The following ELP4 variants were observed in gnomAD, a reference collection of about 807,000 sequenced individuals.
The protein encoded by ELP4 is elongator complex protein 4.
ELP4 carries 51 observed loss-of-function variants against 48.9 expected under a neutral mutation model. That is an observed-to-expected ratio of 1.04 (90% confidence interval 0.83 to 1.32). The LOEUF is 1.32. Ranked by LOEUF, ELP4 falls within the 40% of genes most tolerant of loss-of-function variation. The pLI, the probability that ELP4 is intolerant of heterozygous loss-of-function variation, is 0.00. For missense variants in ELP4, 519 were observed against 514.6 expected (o/e 1.01, Z -0.08); for synonymous variants, 210 against 189.2 (o/e 1.11, Z -0.90).
intron 7 of ELP4, among the ~76,000 whole-genome samples, chr11:31,635,365 TAAC>T (rs1379555394): frequency 2.0e-5 from 3 of 152,030 alleles, no homozygotes; most frequent in African/African-American, 7.2e-5. Flanking sequence ...ATTCTCATAA[TAAC>T]CCTGTATGGT....
At chr11:31,729,086 A>C (rs917538135) in intron 9 of ELP4, among the ~76,000 whole-genome samples, 5 of 152,208 alleles carry the variant, frequency 3.3e-5, no homozygotes, top group Non-Finnish European at 7.3e-5. Flanking sequence ...TCAAAGAAAA[A>C]TCAAATCCAA....
At chr11:31,769,759 T>A (rs867614131) in intron 9 of ELP4, among the ~76,000 whole-genome samples, 4 of 152,140 alleles carry the variant, frequency 2.6e-5, no homozygotes, top group African/African-American at 9.7e-5. Flanking sequence ...CTTTTACCAC[T>A]TCTAGAGTAG....
chr11:31,727,807 A>G (rs973653444), intron 9 of ELP4: 1 of 152,226 alleles, frequency 6.6e-6, no homozygotes, highest in African/African-American at 2.4e-5. Context: ...GGACAGGTTG[A>G]TGACAGAAAG....
At chr11:31,678,724 G>A (rs548668661) in intron 9 of ELP4, among the ~76,000 whole-genome samples, 19 of 152,206 alleles carry the variant, frequency 1.2e-4, no homozygotes, top group African/African-American at 4.6e-4. Flanking sequence ...ATAAACATCC[G>A]TGTGCAGGTT....
intron 1 of ELP4, among the ~76,000 whole-genome samples, chr11:31,515,053 A>ATG (rs1956085803): frequency 6.7e-6 from 1 of 149,136 alleles, no homozygotes; most frequent in African/African-American, 2.5e-5. Context: ...ATATATATAT[A>ATG]TATGTATAGG....
rs1171009926 is a variant in ELP4 at position 31,790,097 on chromosome 11, CA to C, written c.*6596del. ...CATGGAATACAAATTTATAGGTTTA[CA>C]AAAAAAAAAAAAAAAAAAAAAACTA... On this transcript the variant is annotated 3_prime_UTR_variant, in exon 10 of 10. Coordinates refer to ENST00000640961, the MANE Select transcript of ELP4 (RefSeq NM_019040.5). The C allele has an allele frequency of 5.1e-3, 732 of 144,922 alleles. No individual in the cohort carries two copies. The highest frequency in any genetic ancestry group is 0.017 in the East Asian group (90 of 5,196). 9.0% of individuals were successfully genotyped at this position (144,922 alleles called of 1,614,324 possible).
intron 9 of ELP4, among the ~76,000 whole-genome samples, chr11:31,696,551 G>A (rs1298239101): frequency 3.9e-5 from 6 of 152,046 alleles, no homozygotes; most frequent in Admixed American, 3.3e-4. Context: ...TATAATTTCT[G>A]TTCTTTTACA....
intron 9 of ELP4, among the ~76,000 whole-genome samples, chr11:31,705,485 C>T (rs112648505): frequency 1.3e-4 from 20 of 152,180 alleles, no homozygotes; most frequent in African/African-American, 4.6e-4. Context: ...TGCTTTGTTG[C>T]TAGGAACTTT....
At chr11:31,528,290 G>A (rs1176325776) in intron 2 of ELP4, among the ~76,000 whole-genome samples, 1 of 152,042 alleles carries the variant, frequency 6.6e-6, no homozygotes, top group African/African-American at 2.4e-5. Context: ...CCTGGGTAAA[G>A]GCAATTAAAT....
chr11:31,577,663 C>A (rs1957309860), intron 3 of ELP4, among the ~76,000 whole-genome samples: 1 of 151,990 alleles, frequency 6.6e-6, no homozygotes, highest in African/African-American at 2.4e-5. Flanking sequence ...TAAATGTAAT[C>A]CATCGTATAA....
chr11:31,656,443 G>A (rs551087543), intron 9 of ELP4, among the ~76,000 whole-genome samples: 1 of 151,942 alleles, frequency 6.6e-6, no homozygotes, highest in African/African-American at 2.4e-5. Flanking sequence ...CAACACGTAG[G>A]ATATGAAACT....
intron 9 of ELP4, among the ~76,000 whole-genome samples, chr11:31,719,096 G>T (rs75879761): frequency 6.6e-6 from 1 of 151,768 alleles, no homozygotes; most frequent in Non-Finnish European, 1.5e-5. Context: ...TCGTCTCTAC[G>T]CATAATTTAA....
intron 5 of ELP4, among the ~76,000 whole-genome samples, chr11:31,615,120 A>C (rs1223060940): frequency 6.6e-6 from 1 of 152,106 alleles, no homozygotes; most frequent in African/African-American, 2.4e-5. Context: ...ATAAGTCATC[A>C]GGTCAGCAAC....
chr11:31,697,434 A>G (rs1946433596), intron 9 of ELP4, among the ~76,000 whole-genome samples: 1 of 152,072 alleles, frequency 6.6e-6, no homozygotes, highest in South Asian at 2.1e-4. Context: ...TTGATACCAG[A>G]TTAAGCAGGC....
intron 7 of ELP4, chr11:31,645,858 A>G (rs1003600889): frequency 6.6e-6 from 1 of 151,600 alleles, no homozygotes; most frequent in African/African-American, 2.4e-5. Flanking sequence ...CTCACCCTTT[A>G]CTACCAACCC....
rs964186164 is a variant in ELP4, at chr11:31,593,855, C to A, written c.382-915C>A. ...TTAAAATGTGAATTCACTTTGAGGT[C>A]TTTTAGAAGGTGAGTAAAATATATC... On this transcript the variant is annotated intron_variant, in intron 3 of 9. Transcript: ENST00000640961. 4.6e-5 allele frequency among the ~76,000 whole-genome samples: 7 copies of A among 152,220 alleles called. 1 individual carries two copies. The South Asian group carries it at 6.2e-4, about 14-fold the overall frequency.
At chr11:31,564,745 A>G (rs1359135427) in intron 3 of ELP4, among the ~76,000 whole-genome samples, 2 of 152,142 alleles carry the variant, frequency 1.3e-5, no homozygotes, top group African/African-American at 4.8e-5. Context: ...TCCTTGTTGT[A>G]TATGTACCAC....
chr11:31,627,001 A>G, intron 5 of ELP4, 109 bp from the exon 6 acceptor site: 1 of 613,018 alleles, frequency 1.6e-6, no homozygotes, highest in Non-Finnish European at 2.9e-6. Flanking sequence ...TTCTTAAGTA[A>G]TCTAATAAAT....
intron 9 of ELP4, chr11:31,779,844 GCAGCCAGCCAGC>G (rs141226075): frequency 6.6e-6 from 1 of 152,234 alleles, no homozygotes; most frequent in African/African-American, 2.4e-5. Context: ...GAAAAAGTAG[GCAGCCAGCCAGC>G]CAGCCAGCTA....
Sources: gnomAD v4.1 joint callset for allele counts (sites outside exome capture counted in the v4.1 genomes callset) on GRCh38, gnomAD v4.1.1 for gene constraint, MANE v1.5 for transcripts, NCBI Gene and HGNC (gene_info 2026-07-23, HGNC 2026-07-21) for gene names.